Variants in NEBL observed in about 807,000 individuals in gnomAD.
The protein encoded by NEBL is LIM and SH3 protein 2.
A neutral mutation model predicts 140.2 loss-of-function variants in NEBL; 122 were observed. The ratio of observed to expected loss-of-function variants is 0.87; its 90% confidence interval spans 0.75 to 1.01. NEBL has a LOEUF of 1.01. Among genes scored for constraint, NEBL ranks in the 50% least tolerant of loss-of-function variants. The pLI, the probability that NEBL is intolerant of heterozygous loss-of-function variation, is 0.00. For synonymous variants in NEBL, 436 were observed against 398.9 expected, an observed-to-expected ratio of 1.09 and a Z score of -1.11; for missense variants, 1,365 against 1,231.3, an observed-to-expected ratio of 1.11 and a Z score of -1.62.
rs1472244350 is a variant in NEBL, at chr10:21,173,330, C to T, written c.69+435G>A. 1.3e-5 allele frequency among the ~76,000 whole-genome samples: 2 copies of T among 148,348 alleles called. No homozygotes were observed. The highest frequency in any genetic ancestry group is 5.0e-5 in the African/African-American group (2 of 39,908). On this transcript the variant is annotated intron_variant, in intron 1 of 6. Transcript: ENST00000417816. This position sits in a 1 kb window ranked among gnomAD's most constrained non-coding sequence, Gnocchi z 5.7. ...TACTATTTGCCTCTCCCCCTCGCCGCGGTCACAGGAGGCGCTGCGGGTGGG... is the reference window on the plus strand; with the variant it reads ...TACTATTTGCCTCTCCCCCTCGCCGTGGTCACAGGAGGCGCTGCGGGTGGG...
intron 12 of NEBL, among the ~76,000 whole-genome samples, chr10:20,842,549 C>G (rs180819164): frequency 1.3e-5 from 2 of 152,048 alleles, no homozygotes; most frequent in East Asian, 3.9e-4. Flanking sequence ...TCCTCTTTTT[C>G]AAATTAGACA....
intron 2 of NEBL, among the ~76,000 whole-genome samples, chr10:21,119,109 A>G (rs1838407789): frequency 6.6e-6 from 1 of 152,208 alleles, no homozygotes; most frequent in South Asian, 2.1e-4. Flanking sequence ...ATCTAAATCA[A>G]TCTCACTTTA....
At chr10:20,794,506 T>G (rs7070831) in intron 26 of NEBL, among the ~76,000 whole-genome samples, 79,793 of 152,008 alleles carry the variant, frequency 0.52, 21,778 homozygotes, top group South Asian at 0.67. Context: ...TCTATTTATT[T>G]TGGTGAAATA....
intron 4 of NEBL, among the ~76,000 whole-genome samples, chr10:20,909,443 A>G (rs1848238247): frequency 6.6e-6 from 1 of 152,136 alleles, no homozygotes; most frequent in Non-Finnish European, 1.5e-5. Flanking sequence ...GATGCCTCTA[A>G]GATATTGGAC....
intron 3 of NEBL, among the ~76,000 whole-genome samples, chr10:21,216,400 A>G (rs999585114): frequency 5.3e-5 from 8 of 152,202 alleles, no homozygotes; most frequent in African/African-American, 1.9e-4. Flanking sequence ...TCATGCCTGT[A>G]ATCCCAGCAC....
At chr10:20,822,908 A>G (rs1219464822) in intron 19 of NEBL, among the ~76,000 whole-genome samples, 2 of 152,154 alleles carry the variant, frequency 1.3e-5, no homozygotes, top group African/African-American at 4.8e-5. Context: ...ATTGTACCCA[A>G]CAATATTTCA....
chr10:21,126,245 C>G, intron 2 of NEBL: 1 of 939,530 alleles, frequency 1.1e-6, no homozygotes, highest in Non-Finnish European at 1.6e-6. Flanking sequence ...ACCAATCCAT[C>G]TTCAAAATCA....
intron 13 of NEBL, among the ~76,000 whole-genome samples, chr10:20,838,015 G>C (rs992189499): frequency 6.6e-6 from 1 of 152,184 alleles, no homozygotes; most frequent in Non-Finnish European, 1.5e-5. Context: ...TGATAGAAAT[G>C]TATAAGGATA....
intron 3 of NEBL, among the ~76,000 whole-genome samples, chr10:21,204,523 G>A (rs1841795714): frequency 6.6e-6 from 1 of 152,070 alleles, no homozygotes; most frequent in Admixed American, 6.6e-5. Flanking sequence ...CTGCAAGCCA[G>A]GAAAAGAGCC....
intron 3 of NEBL, among the ~76,000 whole-genome samples, chr10:21,228,175 A>G (rs1185509357): frequency 6.6e-6 from 1 of 151,918 alleles, no homozygotes; most frequent in Non-Finnish European, 1.5e-5. Context: ...TGTTTTTTAA[A>G]CAGGATCTCA....
At chr10:21,157,762 C>A (rs1175680448) in intron 2 of NEBL, among the ~76,000 whole-genome samples, 1 of 152,042 alleles carries the variant, frequency 6.6e-6, no homozygotes, top group African/African-American at 2.4e-5. Context: ...GTCCTAACCC[C>A]ACAGACCTCG....
chr10:20,818,070 T>G (rs1838916736), intron 20 of NEBL, among the ~76,000 whole-genome samples: 4 of 152,186 alleles, frequency 2.6e-5, no homozygotes. Context: ...TACTGTCTTC[T>G]GACCGTGGGG....
chr10:20,868,849 T>A lies in NEBL; in HGVS notation c.583-84A>T, dbSNP rs71541564. ...TGACATTAGCCAAAAAAAAAAAAAA[T>A]AACAGACCTTCATCTCATTAATATT... On this transcript the variant is annotated intron_variant, in intron 6 of 27. Coordinates refer to ENST00000377122, the MANE Select transcript of NEBL (RefSeq NM_006393.3). 6.0e-4 allele frequency: 432 copies of A among 721,702 alleles called. 8 individuals carry two copies. In the East Asian group the frequency reaches 6.4e-3, roughly 11 times the overall value. 44.7% of individuals were successfully genotyped at this position (721,702 alleles called of 1,614,324 possible).
chr10:21,133,579 A>C (rs1839213246), intron 2 of NEBL, among the ~76,000 whole-genome samples: 1 of 152,186 alleles, frequency 6.6e-6, no homozygotes, highest in Non-Finnish European at 1.5e-5. Context: ...GGGAATCTTC[A>C]TAGAGTTGGA....
At chr10:20,842,298 G>A (rs1445065335) in intron 12 of NEBL, among the ~76,000 whole-genome samples, 13 of 152,094 alleles carry the variant, frequency 8.5e-5, no homozygotes, top group African/African-American at 2.9e-4. Flanking sequence ...TGTGACCTTC[G>A]GGAGTACTTT....
intron 3 of NEBL, among the ~76,000 whole-genome samples, chr10:21,006,928 G>C (rs1276535180): frequency 6.6e-6 from 1 of 152,062 alleles, no homozygotes; most frequent in Admixed American, 6.6e-5. Flanking sequence ...GTGTTGGGTG[G>C]GGAAAGAAAA....
intron 4 of NEBL, among the ~76,000 whole-genome samples, chr10:20,909,160 C>T (rs1429858946): frequency 1.3e-5 from 2 of 151,762 alleles, no homozygotes; most frequent in Admixed American, 6.6e-5. Context: ...CATCCAACTA[C>T]ACTCTTTGCA....
chr10:20,890,497 C>T (rs534591268), intron 2 of NEBL, among the ~76,000 whole-genome samples: 3 of 152,314 alleles, frequency 2.0e-5, no homozygotes, highest in Admixed American at 2.0e-4. Context: ...CTTCCTGTTA[C>T]TAATTCCTCC....
intron 2 of NEBL, among the ~76,000 whole-genome samples, chr10:21,068,162 C>T (rs1835653996): frequency 6.6e-6 from 1 of 152,144 alleles, no homozygotes; most frequent in Non-Finnish European, 1.5e-5. Flanking sequence ...CTTCTTTTTA[C>T]AGATATTAAT....
Sources: gnomAD v4.1 joint callset for allele counts (sites outside exome capture counted in the v4.1 genomes callset) on GRCh38, gnomAD v4.1.1 for gene constraint, Gnocchi (gnomAD v3.1) non-coding constraint, MANE v1.5 for transcripts, NCBI Gene and HGNC (gene_info 2026-07-23, HGNC 2026-07-21) for gene names.